Variants in DNM1L observed in about 807,000 individuals in gnomAD.
DNM1L encodes dynamin 1L, also known as dynamin-1-like protein.
Under a neutral mutation model 92.8 loss-of-function variants are expected in DNM1L, and 33 were observed. That is an observed-to-expected ratio of 0.36 (90% CI 0.27 to 0.48). The LOEUF (loss-of-function observed/expected upper bound fraction) is 0.48, where lower values mean the gene tolerates loss of function less well. DNM1L is among the 20% of genes least tolerant of loss of function. The pLI, the probability that DNM1L is intolerant of heterozygous loss-of-function variation, is 0.99. For synonymous variants in DNM1L, 284 were observed against 305.0 expected (o/e 0.93, Z 0.72); for missense variants, 485 against 888.8 (o/e 0.55, Z 5.78).
intron 19 of DNM1L, 24 bp downstream of exon 19, chr12:32,742,772 T>TATACTTGGGTAGTAG: frequency 6.2e-7 from 1 of 1,613,976 alleles, no homozygotes; most frequent in Non-Finnish European, 8.5e-7. Context: ...TTTGATTTTT[T>TATACTTGGGTAGTAG]ATACTTGGGT....
At chr12:32,737,358 A>G in intron 14 of DNM1L, 197 bp downstream of exon 14, 1 of 557,744 alleles carries the variant, frequency 1.8e-6, no homozygotes, top group Non-Finnish European at 3.1e-6. Context: ...ATTCACTGAC[A>G]TAAATGCTTA....
chr12:32,710,107 T>C (rs1241969335), intron 4 of DNM1L, among the ~76,000 whole-genome samples: 1 of 152,166 alleles, frequency 6.6e-6, no homozygotes, highest in Non-Finnish European at 1.5e-5. Flanking sequence ...CTAATACTTG[T>C]AGAGGGCCAG....
rs994984930 is a variant in DNM1L, at chr12:32,745,316, C to CTT, written c.*1909_*1910dup. 4.9e-5 allele frequency: 11 copies of CTT among 225,798 alleles called. No homozygotes were observed. The highest frequency in any genetic ancestry group is 2.1e-4 in the African/African-American group (9 of 42,268). 14.0% of individuals were successfully genotyped at this position (225,798 alleles called of 1,614,324 possible). On this transcript the variant is annotated 3_prime_UTR_variant, in exon 20 of 20. Transcript: ENST00000549701. ...AACAAAAACAAAAACTTACGATGCA[C>CTT]TTTTCTCCAGCACATCAGATTTCAA...
intron 1 of DNM1L, chr12:32,692,550 T>A (rs987202385): frequency 1.3e-5 from 2 of 154,174 alleles, no homozygotes; most frequent in Non-Finnish European, 2.9e-5. Context: ...AATGTCATCT[T>A]CTATTCCAAG....
chr12:32,722,143 T>G (rs1953839694), intron 8 of DNM1L, among the ~76,000 whole-genome samples: 1 of 152,156 alleles, frequency 6.6e-6, no homozygotes, highest in Non-Finnish European at 1.5e-5. Context: ...GAGGCTGTTC[T>G]GGTGACCAGC....
intron 9 of DNM1L, among the ~76,000 whole-genome samples, chr12:32,729,389 T>C (rs1954390470): frequency 6.6e-6 from 1 of 152,028 alleles, no homozygotes; most frequent in South Asian, 2.1e-4. Context: ...CCGAAATTCT[T>C]ATCTATTAAG....
At chr12:32,714,829 A>AC (rs1043812674) in intron 6 of DNM1L, among the ~76,000 whole-genome samples, 3 of 150,850 alleles carry the variant, frequency 2.0e-5, no homozygotes, top group Admixed American at 2.0e-4. Context: ...CTCTATTAAA[A>AC]AAAAAAAACC....
chr12:32,737,744 T>C lies in DNM1L; in HGVS notation c.1597-121T>C, dbSNP rs59000311. Reference sequence around the variant, plus strand: ...CAGAATAAACAATCTCCCATGATTATTTTCATCTTTCATGTTATTTTACGA... The same window carrying C: ...CAGAATAAACAATCTCCCATGATTACTTTCATCTTTCATGTTATTTTACGA... On this transcript the variant is annotated intron_variant, in intron 14 of 19. Transcript: ENST00000549701. 95,511 of 782,432 alleles carry C rather than the reference T, an allele frequency of 0.12. 6,949 individuals carry two copies. Among genetic ancestry groups the C allele is most frequent in the African/African-American group, 0.23 (13,286 of 58,422 alleles). The allele number at this position is 782,432 out of a possible 1,614,324, so 48.5% of individuals were successfully genotyped here. A position where few individuals can be genotyped will look rare whatever the true frequency, so the allele number is the denominator to read the frequency against.
chr12:32,703,436 A>C (rs978765180), intron 2 of DNM1L, among the ~76,000 whole-genome samples: 1 of 152,124 alleles, frequency 6.6e-6, no homozygotes, highest in African/African-American at 2.4e-5. Flanking sequence ...ACAGTTCGTT[A>C]GTTTTTCATC....
chr12:32,692,672 A>G (rs11052176), intron 1 of DNM1L: 23,414 of 152,378 alleles, frequency 0.15, 1,904 homozygotes, highest in Middle Eastern at 0.21. Flanking sequence ...AGAAGCATCA[A>G]ATGAATCACA....
Position 32,701,398 on chromosome 12 carries a change from A to G in DNM1L, c.103-17A>G, listed in dbSNP as rs1189570661. On this transcript the variant is annotated splice_polypyrimidine_tract_variant and intron_variant, in intron 1 of 19. Transcript: ENST00000549701. ...GTTAAGAAACTCATTTTGCTCTTGT[A>G]TATATTCTGTTTTCAGAGCAGCGGA... 1 of 1,612,440 alleles carries G rather than the reference A, an allele frequency of 6.2e-7. No homozygotes were observed.
intron 12 of DNM1L, chr12:32,733,485 C>T (rs1208980468): frequency 4.1e-6 from 2 of 493,348 alleles, no homozygotes; most frequent in Non-Finnish European, 7.2e-6. Context: ...TGTTATTTTT[C>T]CCTCTTAGAA....
chr12:32,703,357 A>G (rs1332394053), intron 2 of DNM1L, among the ~76,000 whole-genome samples: 4 of 152,010 alleles, frequency 2.6e-5, no homozygotes, highest in African/African-American at 7.2e-5. Context: ...TGACAACTCA[A>G]CTACCCCAAA....
intron 1 of DNM1L, among the ~76,000 whole-genome samples, chr12:32,690,204 A>G (rs546768119): frequency 5.3e-5 from 8 of 152,240 alleles, no homozygotes; most frequent in Non-Finnish European, 1.2e-4. Context: ...ATGAGAGGTA[A>G]AACATTGGGA....
At chr12:32,699,816 AAAAG>A (rs1952627636) in intron 1 of DNM1L, among the ~76,000 whole-genome samples, 1 of 151,158 alleles carries the variant, frequency 6.6e-6, no homozygotes, top group Non-Finnish European at 1.5e-5. Flanking sequence ...AAAAAAAAAA[AAAAG>A]CAATGATGTT....
intron 6 of DNM1L, among the ~76,000 whole-genome samples, chr12:32,716,604 C>A (rs1953380255): frequency 6.6e-6 from 1 of 151,876 alleles, no homozygotes; most frequent in South Asian, 2.1e-4. Context: ...CAGGCATGGG[C>A]CATATCACCT....
At chr12:32,741,350 G>A (rs1015402038) in intron 18 of DNM1L, among the ~76,000 whole-genome samples, 2 of 152,106 alleles carry the variant, frequency 1.3e-5, no homozygotes, top group African/African-American at 4.8e-5. Context: ...CAGTGGCGCA[G>A]TCTTGGCCCA....
At chr12:32,685,816 T>C (rs1284669600) in intron 1 of DNM1L, among the ~76,000 whole-genome samples, 1 of 152,158 alleles carries the variant, frequency 6.6e-6, no homozygotes, top group African/African-American at 2.4e-5. Context: ...TTCCTTCTCT[T>C]ATGGACAACT....
rs572774556 is a variant in DNM1L at position 32,745,548 on chromosome 12, C to T, written c.*2138C>T. The T allele has an allele frequency of 6.6e-6, 1 of 152,478 alleles. No homozygotes were observed. Among genetic ancestry groups the T allele is most frequent in the East Asian group, 1.9e-4 (1 of 5,188 alleles). 9.4% of individuals were successfully genotyped at this position (152,478 alleles called of 1,614,324 possible). A position where few individuals can be genotyped will look rare whatever the true frequency, so the allele number is the denominator to read the frequency against. ...ATAAAATTGCTGGTATGAAATGACA[C>T]TAAAGTTTGTCAAAAAATGAATTCT... On this transcript the variant is annotated 3_prime_UTR_variant, in exon 20 of 20. Transcript: ENST00000549701.
Sources: allele counts gnomAD v4.1 joint callset (sites outside exome capture counted in the v4.1 genomes callset), GRCh38; gene constraint gnomAD v4.1.1; transcripts MANE v1.5; gene names NCBI Gene and HGNC (gene_info 2026-07-23, HGNC 2026-07-21).